The following VRK3 variants were observed in gnomAD, a reference collection of about 807,000 sequenced individuals.
VRK3 encodes the protein VRK serine/threonine kinase 3, also known as serine/threonine-protein kinase VRK3.
Under a neutral mutation model 60.4 loss-of-function variants are expected in VRK3, and 50 were observed. That is an observed-to-expected ratio of 0.83 (90% CI 0.66 to 1.05). The LOEUF (loss-of-function observed/expected upper bound fraction) is 1.05, where lower values mean the gene tolerates loss of function less well. VRK3 is among the 50% of genes least tolerant of loss of function. The pLI is 0.00. For missense variants in VRK3, 549 were observed against 585.3 expected (o/e 0.94, Z 0.64); for synonymous variants, 246 against 227.8 (o/e 1.08, Z -0.72).
chr19:49,981,251 A>G, intron 12 of VRK3: 1 of 551,718 alleles, frequency 1.8e-6, no homozygotes, highest in Middle Eastern at 4.6e-4. Flanking sequence ...TCCCCGATCA[A>G]TACACCTTGT....
intron 12 of VRK3, among the ~76,000 whole-genome samples, chr19:49,984,238 T>C (rs2076474499): frequency 6.6e-6 from 1 of 152,172 alleles, no homozygotes; most frequent in Non-Finnish European, 1.5e-5. Flanking sequence ...ATGGGCTGAT[T>C]CTAACCTGGG....
chr19:49,978,942 C>T (rs758603813), intron 14 of VRK3, 141 bp downstream of exon 14: 14 of 862,180 alleles, frequency 1.6e-5, no homozygotes, highest in South Asian at 6.3e-5. Flanking sequence ...AAGGACCGTG[C>T]GGAAAAACCC....
chr19:49,991,893 T>C (rs2076618314), intron 10 of VRK3, among the ~76,000 whole-genome samples: 1 of 152,244 alleles, frequency 6.6e-6, no homozygotes, highest in African/African-American at 2.4e-5. Flanking sequence ...CTTTTGGTTT[T>C]TGGCTTAAGG....
intron 8 of VRK3, 37 bp downstream of exon 8, chr19:49,995,152 AAG>A (rs768222370): frequency 2.5e-6 from 4 of 1,602,034 alleles, no homozygotes; most frequent in East Asian, 4.5e-5. Flanking sequence ...AAGAAGAGGA[AAG>A]AGGCCGGTGA....
chr19:49,989,410 C>T (rs572662364), intron 11 of VRK3, among the ~76,000 whole-genome samples: 9 of 152,354 alleles, frequency 5.9e-5, no homozygotes, highest in Non-Finnish European at 8.8e-5. Context: ...ACCCCAACCT[C>T]TGGAACTCAG....
chr19:50,017,199 CA>C (rs1373963630), intron 2 of VRK3, among the ~76,000 whole-genome samples: 1 of 150,834 alleles, frequency 6.6e-6, no homozygotes, highest in Non-Finnish European at 1.5e-5. Flanking sequence ...CTGTCTCAAA[CA>C]AACAAAACAA....
At chr19:49,991,531 ACACG>A (rs1236807232) in intron 10 of VRK3, among the ~76,000 whole-genome samples, 5 of 151,790 alleles carry the variant, frequency 3.3e-5, no homozygotes, top group African/African-American at 1.2e-4. Context: ...ACACACACAC[ACACG>A]CACACACACA....
Position 49,979,249 on chromosome 19 carries a change from T to G in VRK3, c.1277-7A>C, listed in dbSNP as rs1197944560. On this transcript the variant is annotated splice_region_variant and splice_polypyrimidine_tract_variant and intron_variant, in intron 13 of 14. Transcript: ENST00000316763. Reference sequence around the variant, plus strand: ...AGGTACTTCTGCAGGGTCTCTGTGGTCAAGACAACCCCCAGCAAGGGAGAG... The same window carrying G: ...AGGTACTTCTGCAGGGTCTCTGTGGGCAAGACAACCCCCAGCAAGGGAGAG... The G allele has an allele frequency of 5.6e-6, 9 of 1,613,900 alleles. No homozygotes were observed. Among genetic ancestry groups the G allele is most frequent in the Non-Finnish European group, 7.6e-6 (9 of 1,179,972 alleles).
chr19:50,003,485 G>GC (rs1002220052), intron 5 of VRK3, among the ~76,000 whole-genome samples: 25 of 152,220 alleles, frequency 1.6e-4, no homozygotes, highest in African/African-American at 5.8e-4. Context: ...GCAGTGAGCA[G>GC]CCGCACGGAT....
chr19:50,013,616 G>A (rs913970646), intron 3 of VRK3, among the ~76,000 whole-genome samples: 1 of 152,122 alleles, frequency 6.6e-6, no homozygotes, highest in Non-Finnish European at 1.5e-5. Flanking sequence ...TATAGTATCT[G>A]GGCTTGGGCC....
At chr19:49,981,140 T>G (rs1423538102) in intron 12 of VRK3, 127 bp from the exon 13 acceptor site, 1 of 896,564 alleles carries the variant, frequency 1.1e-6, no homozygotes, top group East Asian at 2.6e-5. Context: ...CCAGGGAAGT[T>G]ATGTTCTTAA....
In VRK3 at chr19:50,002,421, G is replaced by A. The variant is rs556736951; in HGVS notation, c.548-1567C>T. Among the ~76,000 whole-genome samples, 56 of 152,200 alleles carry A rather than the reference G, an allele frequency of 3.7e-4. No individual in the cohort carries two copies. The South Asian group carries it at 0.011, about 31-fold the overall frequency. On this transcript the variant is annotated intron_variant, in intron 5 of 14. Coordinates refer to ENST00000316763, the MANE Select transcript of VRK3 (RefSeq NM_016440.4). ...TTTCCAGCTGTGGGGAGAGCACTGGGGGGATCATGCTGGAGCAGGCTGTGA... is the reference window on the plus strand; with the variant it reads ...TTTCCAGCTGTGGGGAGAGCACTGGAGGGATCATGCTGGAGCAGGCTGTGA...
In VRK3 at chr19:50,000,895, G is replaced by A. The variant is rs189775064; in HGVS notation, c.548-41C>T. 429 of 1,585,888 alleles carry A rather than the reference G, an allele frequency of 2.7e-4. 1 individual carries two copies. Among genetic ancestry groups the A allele is most frequent in the Non-Finnish European group, 3.2e-5 (37 of 1,161,682 alleles). ...CAAGGGAGTGAGGTTATAACCACGC[G>A]GAAGGTCAGGGTCATCATCCCCAAA... is the stretch of plus-strand genomic sequence containing the variant. On this transcript the variant is annotated intron_variant, in intron 5 of 14. Coordinates refer to ENST00000316763, the MANE Select transcript of VRK3 (RefSeq NM_016440.4).
At chr19:49,981,810 A>G (rs926511957) in intron 12 of VRK3, 7 of 1,126,444 alleles carry the variant, frequency 6.2e-6, no homozygotes, top group African/African-American at 1.6e-5. Context: ...ACACACACAC[A>G]CACGCACACT....
rs1229013392 is a variant in VRK3 at position 50,007,759 on chromosome 19, G to C, written c.357C>G (p.Thr119=). 5.6e-6 allele frequency: 9 copies of C among 1,614,022 alleles called. No homozygotes were observed. The highest frequency in any genetic ancestry group is 7.6e-6 in the Non-Finnish European group (9 of 1,180,024). The change falls in exon 5 of 15, where the codon ACC becomes ACG. Residue 119 remains threonine (T), a synonymous_variant. Coordinates refer to ENST00000316763, the MANE Select transcript of VRK3 (RefSeq NM_016440.4). ...AGCTGGTCTTCTGAGGGCTACCCCT[G>C]GTCACCTGAGGGCTCTTCCTGGTCT... ...PQKTRKSPQV[T]RGSPQKTSCS...
intron 5 of VRK3, among the ~76,000 whole-genome samples, chr19:50,003,741 A>G (rs1478512742): frequency 2.6e-5 from 4 of 152,258 alleles, no homozygotes; most frequent in Non-Finnish European, 5.9e-5. Flanking sequence ...TGACTGGTGC[A>G]AACTGGCAGA....
At chr19:49,982,131 G>A (rs1021373053) in intron 12 of VRK3, 22 of 702,876 alleles carry the variant, frequency 3.1e-5, no homozygotes, top group Non-Finnish European at 4.4e-5. Context: ...GACGGTGACC[G>A]AGCCTTGTTT....
In VRK3 at chr19:49,988,422, T is replaced by A; in HGVS notation, c.1167A>T (p.Pro389=). 1 of 1,613,676 alleles carries A rather than the reference T, an allele frequency of 6.2e-7. No individual in the cohort carries two copies. The highest frequency in any genetic ancestry group is 1.3e-5 in the African/African-American group (1 of 75,046). Residue 389 remains proline, a synonymous_variant, in exon 12 of 15, where the codon CCA becomes CCT. Transcript: ENST00000316763. ...CAGTGTTGGGAAGGCAATTTGTCCA[T>A]GGCAGAAACCCGTAGAGCCACTTCA... ...CMLKWLYGFL[P]WTNCLPNTED...
intron 6 of VRK3, chr19:50,000,559 C>T: frequency 1.7e-6 from 1 of 575,742 alleles, no homozygotes; most frequent in East Asian, 3.0e-5. Flanking sequence ...CCAGGTCACA[C>T]AGCAGGGAAG....
Sources: gnomAD v4.1 joint callset for allele counts (sites outside exome capture counted in the v4.1 genomes callset) on GRCh38, gnomAD v4.1.1 for gene constraint, MANE v1.5 for transcripts, NCBI Gene and HGNC (gene_info 2026-07-23, HGNC 2026-07-21) for gene names.